DHX30: variants seen among roughly 807,000 people sequenced by gnomAD.
DHX30 encodes DExH-box helicase 30.
Under a neutral mutation model 116.9 loss-of-function variants are expected in DHX30, and 4 were observed. The ratio of observed to expected loss-of-function variants is 0.03; its 90% CI spans 0.02 to 0.08. The LOEUF (loss-of-function observed/expected upper bound fraction) is 0.08, where lower values mean the gene tolerates loss of function less well. Ranked by LOEUF, DHX30 falls within the 10% of genes least tolerant of loss-of-function variation. The pLI is 1.00. For missense variants in DHX30, 871 were observed against 1,595.1 expected, an observed-to-expected ratio of 0.55 and a Z score of 7.73; for synonymous variants, 697 against 651.7, an observed-to-expected ratio of 1.07 and a Z score of -1.06.
At chr3:47,819,305 T>C (rs756827481) in intron 4 of DHX30, 1 of 1,366,374 alleles carries the variant, frequency 7.3e-7, no homozygotes, top group African/African-American at 1.5e-5. Context: ...TTGGCTAAGC[T>C]TGAAGACGGT....
intron 3 of DHX30, chr3:47,816,436 C>T (rs1351616336): frequency 4.1e-6 from 4 of 979,480 alleles, no homozygotes; most frequent in East Asian, 1.1e-4. Context: ...CGGCTCACTG[C>T]ATCCTCCGCC....
chr3:47,845,817 C>T lies in DHX30; in HGVS notation c.1057C>T (p.Pro353Ser). The T allele has an allele frequency of 6.2e-7, 1 of 1,610,086 alleles. No homozygotes were observed. The highest frequency in any genetic ancestry group is 8.5e-7 in the Non-Finnish European group (1 of 1,176,746). ...ACCATGCACCATCCAGGTGCCCGAG[C>T]CCATCCTCCGCAAGATAGAGACCTT... is the stretch of plus-strand genomic sequence containing the variant. Reference protein sequence around the residue: ...RRPCTIQVPEPILRKIETFLN... With the variant: ...RRPCTIQVPESILRKIETFLN... Residue 353 changes from proline to serine, a missense_variant, in exon 10 of 22, where the codon CCC (proline) becomes TCC (serine). Transcript: ENST00000445061.
intron 4 of DHX30, among the ~76,000 whole-genome samples, chr3:47,824,217 G>C (rs2036432433): frequency 6.6e-6 from 1 of 151,930 alleles, no homozygotes; most frequent in African/African-American, 2.4e-5. Context: ...TGGCCAGGCT[G>C]GTCTCGAACT....
intron 3 of DHX30, among the ~76,000 whole-genome samples, chr3:47,813,414 C>T (rs867156231): frequency 1.3e-5 from 2 of 152,288 alleles, no homozygotes; most frequent in African/African-American, 2.4e-5. Flanking sequence ...GTTGCATAGG[C>T]AATGGCAGAA....
rs550917284 is a variant in DHX30, at chr3:47,847,729, G to C, written c.2111-52G>C. 1 of 1,584,572 alleles carries C rather than the reference G, an allele frequency of 6.3e-7. No individual in the cohort carries two copies. The highest frequency in any genetic ancestry group is 8.6e-7 in the Non-Finnish European group (1 of 1,161,384). On this transcript the variant is annotated intron_variant, in intron 13 of 21. Transcript: ENST00000445061. The surrounding 1 kb of genome is among the most constrained non-coding windows in gnomAD (Gnocchi z 5.5). ...TCCTTGCCCTGCCCACATTCCAGGG[G>C]GGAATTCTGGTGGAAGCAGTGCCCA...
chr3:47,849,874 G>A lies in DHX30; in HGVS notation c.3339G>A (p.Gly1113=), dbSNP rs768917693. The stretch of plus-strand genomic sequence containing the variant: ...TCTTTTCCATTCCCTCAGATGACGG[G>A]CGCCGGGCCACCATCTCACTGAGCG... The part of the protein sequence containing the change: ...TDGDVHIRDD[G]RRATISLSDS... Residue 1113 remains glycine, a synonymous_variant, in exon 22 of 22, where the codon GGG becomes GGA. Transcript: ENST00000445061. The A allele has an allele frequency of 2.5e-5, 40 of 1,612,390 alleles. No individual in the cohort carries two copies. Among genetic ancestry groups the A allele is most frequent in the Non-Finnish European group, 2.9e-5 (34 of 1,178,938 alleles).
Position 47,841,637 on chromosome 3 carries a change from C to T in DHX30, c.689C>T (p.Thr230Ile). The stretch of plus-strand genomic sequence containing the variant: ...CCCAGGGGGAGTTCCTTTGAGATGA[C>T]AGATGACGACAGTGCCATTAGGGCT... ...RDSRGSSFEM[T>I]DDDSAIRALT... The change falls in exon 8 of 22, where the codon ACA becomes ATA. Residue 230 changes from threonine to isoleucine, a missense_variant. Physicochemically the swap from Thr to Ile is moderately conservative, Grantham distance 89. This residue lies in a region of DHX30 where 175 missense variants were observed against 292.9 expected (regional missense o/e 0.60). Transcript: ENST00000445061. 1 of 1,614,230 alleles carries T rather than the reference C, an allele frequency of 6.2e-7. No homozygotes were observed. The highest frequency in any genetic ancestry group is 8.5e-7 in the Non-Finnish European group (1 of 1,180,036).
At position 47,831,924 on chromosome 3, in the gene DHX30, C is replaced by CTTTTTTT. The variant is rs1448275730; in HGVS notation, c.366+2795_366+2796insTTTTTTT. Among the ~76,000 whole-genome samples, 228 of 120,396 alleles carry CTTTTTTT rather than the reference C, an allele frequency of 1.9e-3. 2 individuals carry two copies. Among genetic ancestry groups the CTTTTTTT allele is most frequent in the Non-Finnish European group, 2.6e-3 (153 of 58,608 alleles). 79.0% of individuals were successfully genotyped at this position (120,396 alleles called of 152,430 possible). A position where few individuals can be genotyped will look rare whatever the true frequency, so the allele number is the denominator to read the frequency against. On this transcript the variant is annotated intron_variant, in intron 6 of 21. Transcript: ENST00000445061. ...TAGTTTTCTCTCTGAAGGCCTTTTC[C>CTTTTTTT]TTTTTCTTTTTTTTTTTTTTTTTTA... is the stretch of plus-strand genomic sequence containing the variant.
At position 47,847,312 on chromosome 3, in the gene DHX30, G is replaced by C; in HGVS notation, c.1969G>C (p.Asp657His). The change falls in exon 12 of 22, where the codon GAT becomes CAT. Residue 657 changes from aspartate to histidine, a missense_variant. Physicochemically the swap from Asp to His is moderately conservative, Grantham distance 81. This residue lies in a region of DHX30 where 61 missense variants were observed against 106.7 expected (regional missense o/e 0.57). Transcript: ENST00000445061. The surrounding 1 kb of genome is among the most constrained non-coding windows in gnomAD (Gnocchi z 5.5). ...ECALDLDLVTDLVLHIDARGE... is the reference protein window; with the variant it reads ...ECALDLDLVTHLVLHIDARGE... ...CGCACTCGATTTGGACCTTGTGACT[G>C]ATCTGGTTCTGCACATCGATGCTCG... 1 of 1,614,228 alleles carries C rather than the reference G, an allele frequency of 6.2e-7. No homozygotes were observed. The highest frequency in any genetic ancestry group is 8.5e-7 in the Non-Finnish European group (1 of 1,180,036).
At position 47,848,153 on chromosome 3, in the gene DHX30, GTGC is replaced by G. The variant is rs2107142795; in HGVS notation, c.2287-22_2287-20del. On this transcript the variant is annotated intron_variant, in intron 14 of 21. Coordinates refer to ENST00000445061, the MANE Select transcript of DHX30 (RefSeq NM_138615.3). The surrounding 1 kb of genome is among the most constrained non-coding windows in gnomAD (Gnocchi z 9.4). ...GAAGCACTGAGGAAGTGGCATTTGT[GTGC>G]TGCTTACTTGCCACCTCCTCCAGGT... 6.2e-7 allele frequency: 1 copy of G among 1,612,698 alleles called. No individual in the cohort carries two copies. The highest frequency in any genetic ancestry group is 8.5e-7 in the Non-Finnish European group (1 of 1,179,348).
At chr3:47,841,823 G>T in intron 8 of DHX30, 86 bp downstream of exon 8, 2 of 1,588,330 alleles carry the variant, frequency 1.3e-6, no homozygotes, top group Middle Eastern at 1.8e-4. Context: ...AGAGAGGGCT[G>T]AGGGGGTGTG....
chr3:47,836,079 T>C (rs1299605714), intron 6 of DHX30, among the ~76,000 whole-genome samples: 1 of 152,254 alleles, frequency 6.6e-6, no homozygotes, highest in African/African-American at 2.4e-5. Context: ...CTTCTCTGCC[T>C]GGCTGACTGG....
chr3:47,814,677 C>G (rs1171069112), intron 3 of DHX30, among the ~76,000 whole-genome samples: 1 of 151,688 alleles, frequency 6.6e-6, no homozygotes, highest in Non-Finnish European at 1.5e-5. Flanking sequence ...CCAGCCACCA[C>G]GCCTGGCTAA....
intron 2 of DHX30, among the ~76,000 whole-genome samples, chr3:47,807,982 C>T (rs1051423098): frequency 1.3e-5 from 2 of 152,014 alleles, no homozygotes; most frequent in Admixed American, 6.6e-5. Flanking sequence ...GCAATCTCAT[C>T]TCACTGGAAC....
intron 4 of DHX30, among the ~76,000 whole-genome samples, chr3:47,821,236 A>G (rs1421870051): frequency 1.3e-5 from 2 of 152,074 alleles, no homozygotes; most frequent in African/African-American, 4.8e-5. Flanking sequence ...GATTACAGGC[A>G]TGAGCCACCA....
In DHX30 at chr3:47,841,049, G is replaced by T; in HGVS notation, c.539G>T (p.Gly180Val). The change falls in exon 7 of 22, where the codon GGC (glycine) becomes GTC (valine). Residue 180 changes from glycine (G) to valine (V), a missense_variant. By Grantham distance (109) the Gly-to-Val change is moderately radical (BLOSUM62 -3). Around this residue, in one of 13 missense-constraint regions of DHX30, gnomAD observed 109 missense variants for 118.8 expected, o/e 0.92. Transcript: ENST00000445061. ...PESIRPGGPGGLSRSLGREEE... is the reference protein window; with the variant it reads ...PESIRPGGPGVLSRSLGREEE... Reference sequence around the variant, plus strand: ...AGTATTCGACCAGGGGGACCTGGGGGCCTATCCCGCTCTTTAGGCCGGGAA... The same window carrying T: ...AGTATTCGACCAGGGGGACCTGGGGTCCTATCCCGCTCTTTAGGCCGGGAA... 1 of 1,614,160 alleles carries T rather than the reference G, an allele frequency of 6.2e-7. No individual in the cohort carries two copies. The highest frequency in any genetic ancestry group is 8.5e-7 in the Non-Finnish European group (1 of 1,180,018).
chr3:47,818,152 G>C, intron 4 of DHX30, 35 bp downstream of exon 4: 1 of 772,912 alleles, frequency 1.3e-6, no homozygotes, highest in South Asian at 1.4e-5. Flanking sequence ...CAACAGCTTG[G>C]TCCAGGGTCT....
chr3:47,835,583 G>A (rs1247006628), intron 6 of DHX30, among the ~76,000 whole-genome samples: 1 of 151,266 alleles, frequency 6.6e-6, no homozygotes, highest in Non-Finnish European at 1.5e-5. Flanking sequence ...GGGATTACAG[G>A]TGTAAGCCAC....
chr3:47,838,894 G>A (rs2037239068), intron 6 of DHX30, among the ~76,000 whole-genome samples: 1 of 152,114 alleles, frequency 6.6e-6, no homozygotes. Context: ...TGTTTTTGGA[G>A]ATAGGGTCTT....
Sources: allele counts gnomAD v4.1 joint callset (sites outside exome capture counted in the v4.1 genomes callset), GRCh38; gene constraint gnomAD v4.1.1; regional missense constraint gnomAD v4.1.1; non-coding constraint Gnocchi (gnomAD v3.1); transcripts MANE v1.5; gene names NCBI Gene and HGNC (gene_info 2026-07-23, HGNC 2026-07-21).